The following XPR1 variants were observed in gnomAD, a reference collection of about 807,000 sequenced individuals.
XPR1 encodes xenotropic and polytropic retrovirus receptor 1.
Under a neutral mutation model 87.5 loss-of-function variants are expected in XPR1, and 28 were observed. The observed-to-expected ratio is 0.32, with a 90% CI of 0.24 to 0.44. XPR1 has a LOEUF of 0.44. Among genes scored for constraint, XPR1 ranks in the 20% least tolerant of loss-of-function variants. XPR1 has a pLI of 1.00. For missense variants in XPR1, 559 were observed against 862.3 expected, an observed-to-expected ratio of 0.65 and a Z score of 4.41; for synonymous variants, 300 against 306.1, an observed-to-expected ratio of 0.98 and a Z score of 0.21.
In XPR1 at chr1:180,880,225, G is replaced by A. The variant is rs772514789; in HGVS notation, c.1958G>A (p.Arg653Gln). Reference protein sequence around the residue: ...EQMMDQDDGVRNRQKNRSWKY... With the variant: ...EQMMDQDDGVQNRQKNRSWKY... The stretch of plus-strand genomic sequence containing the variant: ...ATGATGGACCAGGATGATGGGGTAC[G>A]AAACCGCCAGAAGAATCGGTCATGG... Residue 653 changes from arginine (R) to glutamine (Q), a missense_variant, in exon 14 of 15, where the codon CGA becomes CAA. Coordinates refer to ENST00000367590, the MANE Select transcript of XPR1 (RefSeq NM_004736.4). The A allele has an allele frequency of 1.5e-5, 25 of 1,614,028 alleles. No individual in the cohort carries two copies. The highest frequency in any genetic ancestry group is 1.3e-4 in the East Asian group (6 of 44,892).
At chr1:180,660,551 T>C (rs1394031946) in intron 1 of XPR1, among the ~76,000 whole-genome samples, 1 of 152,150 alleles carries the variant, frequency 6.6e-6, no homozygotes, top group African/African-American at 2.4e-5. Context: ...GTGTTTCCAT[T>C]ATCATTTGTT....
chr1:180,723,338 G>GT (rs918063795), intron 2 of XPR1, among the ~76,000 whole-genome samples: 1 of 152,032 alleles, frequency 6.6e-6, no homozygotes, highest in African/African-American at 2.4e-5. Flanking sequence ...TACAACTATT[G>GT]TTATATTAAT....
chr1:180,708,349 C>T (rs924993873), intron 2 of XPR1, among the ~76,000 whole-genome samples: 3 of 152,082 alleles, frequency 2.0e-5, no homozygotes, highest in Non-Finnish European at 2.9e-5. Flanking sequence ...TAATTCCTTA[C>T]TATGTGTGTT....
At chr1:180,779,455 T>C (rs930800287) in intron 2 of XPR1, among the ~76,000 whole-genome samples, 13 of 152,284 alleles carry the variant, frequency 8.5e-5, no homozygotes, top group Admixed American at 5.9e-4. Context: ...ATTCACTCTT[T>C]TAAAGTGTAT....
At chr1:180,762,811 A>G (rs1241833422) in intron 2 of XPR1, among the ~76,000 whole-genome samples, 2 of 152,200 alleles carry the variant, frequency 1.3e-5, no homozygotes, top group African/African-American at 2.4e-5. Context: ...TGACAGAGTA[A>G]CTCTACTGGG....
chr1:180,742,919 G>A (rs952560778), intron 2 of XPR1, among the ~76,000 whole-genome samples: 2 of 151,932 alleles, frequency 1.3e-5, no homozygotes, highest in Non-Finnish European at 2.9e-5. Context: ...TTACTTTGAT[G>A]CTTACTTTGA....
chr1:180,707,857 T>A (rs1292619185), intron 2 of XPR1, among the ~76,000 whole-genome samples: 2 of 152,144 alleles, frequency 1.3e-5, no homozygotes, highest in Non-Finnish European at 2.9e-5. Context: ...TTATTATCCA[T>A]TACTAATTTT....
chr1:180,835,067 A>C (rs888791977), intron 10 of XPR1, 22 bp downstream of exon 10: 1 of 1,609,276 alleles, frequency 6.2e-7, no homozygotes, highest in East Asian at 2.2e-5. Flanking sequence ...ATTTGCATCT[A>C]TACTACTAAA....
At chr1:180,834,047 G>A (rs1288767855) in intron 9 of XPR1, among the ~76,000 whole-genome samples, 1 of 151,866 alleles carries the variant, frequency 6.6e-6, no homozygotes, top group Non-Finnish European at 1.5e-5. Flanking sequence ...TAAAGCAGAA[G>A]TCACAAGTGT....
In XPR1 at chr1:180,817,483, T is replaced by C. The variant is rs572477751; in HGVS notation, c.763+5995T>C. 2.4e-4 allele frequency among the ~76,000 whole-genome samples: 37 copies of C among 152,310 alleles called. 1 individual carries two copies. In the South Asian group the frequency reaches 7.7e-3, roughly 32 times the overall value. On this transcript the variant is annotated intron_variant, in intron 7 of 14. Transcript: ENST00000367590. ...ATACAGGTGTACCATTTTTTATCTTTTATAATGTATTTTTACTGTGTCTTT... is the reference window on the plus strand; with the variant it reads ...ATACAGGTGTACCATTTTTTATCTTCTATAATGTATTTTTACTGTGTCTTT...
rs1657027410 is a variant in XPR1, at chr1:180,692,586, T to C, written c.121+10175T>C. On this transcript the variant is annotated intron_variant, in intron 2 of 14. Transcript: ENST00000367590. Reference sequence around the variant, plus strand: ...TCATTTGTATTATGAAAATGACAGCTTGTAGATAACAAGAACTATTAACTT... The same window carrying C: ...TCATTTGTATTATGAAAATGACAGCCTGTAGATAACAAGAACTATTAACTT... 2.6e-5 allele frequency among the ~76,000 whole-genome samples: 4 copies of C among 152,290 alleles called. No homozygotes were observed. In the South Asian group the frequency reaches 8.3e-4, roughly 32 times the overall value.
intron 2 of XPR1, among the ~76,000 whole-genome samples, chr1:180,783,171 T>C (rs1484643777): frequency 6.6e-6 from 1 of 151,938 alleles, no homozygotes; most frequent in East Asian, 1.9e-4. Context: ...GGAGGATCGA[T>C]TGAGCCTGGG....
chr1:180,702,638 G>C (rs1214315565), intron 2 of XPR1, among the ~76,000 whole-genome samples: 2 of 151,414 alleles, frequency 1.3e-5, no homozygotes, highest in Admixed American at 6.6e-5. Context: ...GGATTTTTTT[G>C]ATTTTTAAAA....
intron 2 of XPR1, among the ~76,000 whole-genome samples, chr1:180,786,154 AG>A (rs1440594229): frequency 6.6e-6 from 1 of 150,376 alleles, no homozygotes; most frequent in Non-Finnish European, 1.5e-5. Flanking sequence ...ATAGAGAAGC[AG>A]GTATGTGTAA....
intron 3 of XPR1, among the ~76,000 whole-genome samples, chr1:180,801,212 A>C (rs1337693183): frequency 6.6e-6 from 1 of 152,224 alleles, no homozygotes; most frequent in Non-Finnish European, 1.5e-5. Context: ...TCTCATGGCC[A>C]TTCCTGGCCT....
chr1:180,687,465 T>C (rs1656823222), intron 2 of XPR1, among the ~76,000 whole-genome samples: 1 of 152,184 alleles, frequency 6.6e-6, no homozygotes, highest in African/African-American at 2.4e-5. Context: ...ACATTCTTTC[T>C]TTATACTTTC....
At chr1:180,703,355 G>T (rs569626161) in intron 2 of XPR1, among the ~76,000 whole-genome samples, 1 of 152,260 alleles carries the variant, frequency 6.6e-6, no homozygotes, top group Non-Finnish European at 1.5e-5. Flanking sequence ...ATATATGTAT[G>T]TCAGCAGTGG....
chr1:180,703,531 A>C (rs1302067934), intron 2 of XPR1, among the ~76,000 whole-genome samples: 1 of 152,142 alleles, frequency 6.6e-6, no homozygotes, highest in Non-Finnish European at 1.5e-5. Flanking sequence ...ATAATGCACC[A>C]ATGGTAGGCA....
chr1:180,790,260 A>G (rs1008815968), intron 3 of XPR1, among the ~76,000 whole-genome samples: 3 of 152,078 alleles, frequency 2.0e-5, no homozygotes, highest in African/African-American at 7.2e-5. Flanking sequence ...ACTCTTCAAG[A>G]CCTTGCTCCA....
Sources: gnomAD v4.1 joint callset for allele counts (sites outside exome capture counted in the v4.1 genomes callset) on GRCh38, gnomAD v4.1.1 for gene constraint, MANE v1.5 for transcripts, NCBI Gene and HGNC (gene_info 2026-07-23, HGNC 2026-07-21) for gene names.